EDN1: variants seen among roughly 807,000 people sequenced by gnomAD.
The protein encoded by EDN1 is endothelin 1, also known as endothelin-1.
Under a neutral mutation model 21.7 loss-of-function variants are expected in EDN1, and 11 were observed. The ratio of observed to expected loss-of-function variants is 0.51; its 90% CI spans 0.32 to 0.84. The LOEUF is 0.84. Ranked by LOEUF, EDN1 falls within the 40% of genes least tolerant of loss-of-function variation. The pLI is 0.03. For synonymous variants in EDN1, 85 were observed against 90.6 expected (o/e 0.94, Z 0.35); for missense variants, 244 against 262.3 (o/e 0.93, Z 0.48).
At chr6:12,253,727 C>T in the EDN1 span, among the ~76,000 whole-genome samples, 1 of 152,122 alleles carries the variant, frequency 6.6e-6, no homozygotes, top group African/African-American at 2.4e-5. Context: ...TCAACACATT[C>T]AAAGTCCATC....
At chr6:12,292,642 C>A in intron 2 of EDN1, 133 bp downstream of exon 2, 2 of 1,044,446 alleles carry the variant, frequency 1.9e-6, no homozygotes, top group South Asian at 1.3e-5. Context: ...TCAGTGGGGA[C>A]AGTTTCCCTC....
chr6:12,266,618 C>T, the EDN1 span, among the ~76,000 whole-genome samples: 6 of 152,184 alleles, frequency 3.9e-5, no homozygotes, highest in Non-Finnish European at 8.8e-5. Flanking sequence ...AGAGGAGGGA[C>T]CTCTTGCCTG....
the EDN1 span, among the ~76,000 whole-genome samples, chr6:12,231,481 C>T: frequency 6.6e-6 from 1 of 152,212 alleles, no homozygotes; most frequent in Non-Finnish European, 1.5e-5. Flanking sequence ...CCAGCTTTGA[C>T]TATTAAACAT....
At chr6:12,279,787 A>C in the EDN1 span, among the ~76,000 whole-genome samples, 1 of 152,232 alleles carries the variant, frequency 6.6e-6, no homozygotes, top group Admixed American at 6.5e-5. Flanking sequence ...TCAACAGTCC[A>C]AAAAGGAAAA....
chr6:12,248,748 G>A, the EDN1 span, among the ~76,000 whole-genome samples: 78 of 152,300 alleles, frequency 5.1e-4, no homozygotes, highest in African/African-American at 1.8e-3. Flanking sequence ...GTGACATTCT[G>A]CATCAGGTTT....
the EDN1 span, among the ~76,000 whole-genome samples, chr6:12,244,329 A>C: frequency 1.3e-5 from 2 of 152,212 alleles, no homozygotes; most frequent in African/African-American, 4.8e-5. Context: ...TGACCTTTCA[A>C]ATGTTGGCTA....
the EDN1 span, among the ~76,000 whole-genome samples, chr6:12,234,046 G>C: frequency 6.6e-6 from 1 of 152,216 alleles, no homozygotes; most frequent in Non-Finnish European, 1.5e-5. Context: ...TCTTCAGTCA[G>C]AGAGGCCAGG....
the EDN1 span, among the ~76,000 whole-genome samples, chr6:12,284,282 C>A: frequency 6.6e-6 from 1 of 152,086 alleles, no homozygotes; most frequent in Non-Finnish European, 1.5e-5. Context: ...TGCCAAAGAC[C>A]TTTTATTATA....
the EDN1 span, among the ~76,000 whole-genome samples, chr6:12,238,387 G>A: frequency 6.6e-6 from 1 of 152,028 alleles, no homozygotes; most frequent in Admixed American, 6.6e-5. Context: ...GAAAGTGAAG[G>A]TCTCCCCTGC....
the EDN1 span, among the ~76,000 whole-genome samples, chr6:12,248,391 G>A: frequency 6.6e-6 from 1 of 152,088 alleles, no homozygotes; most frequent in African/African-American, 2.4e-5. Flanking sequence ...TATTTATTAT[G>A]GCAGGCCAAG....
chr6:12,293,973 G>A lies in EDN1; in HGVS notation c.266G>A (p.Arg89Lys), dbSNP rs752388910. ...GTTCCGTATGGACTTGGAAGCCCTA[G>A]GTCCAAGAGAGCCTTGGAGAATTTA... ...HVVPYGLGSP[R>K]SKRALENLLP... Residue 89 changes from arginine to lysine, a missense_variant, in exon 3 of 5, where the codon AGG becomes AAG. By Grantham distance (26) the Arg-to-Lys change is conservative (BLOSUM62 2). Coordinates refer to ENST00000379375, the MANE Select transcript of EDN1 (RefSeq NM_001955.5). The A allele has an allele frequency of 6.2e-7, 1 of 1,614,180 alleles. No homozygotes were observed. The highest frequency in any genetic ancestry group is 8.5e-7 in the Non-Finnish European group (1 of 1,180,026).
chr6:12,234,458 C>T, the EDN1 span, among the ~76,000 whole-genome samples: 1 of 152,160 alleles, frequency 6.6e-6, no homozygotes, highest in African/African-American at 2.4e-5. Context: ...CTTTCAAAAC[C>T]ACAGGGAAGT....
At chr6:12,266,151 T>A in the EDN1 span, among the ~76,000 whole-genome samples, 1 of 152,194 alleles carries the variant, frequency 6.6e-6, no homozygotes, top group Non-Finnish European at 1.5e-5. Flanking sequence ...AGGAATTGCT[T>A]GGGTGGGGAA....
the EDN1 span, among the ~76,000 whole-genome samples, chr6:12,262,486 G>A: frequency 2.0e-5 from 3 of 152,122 alleles, no homozygotes; most frequent in African/African-American, 4.8e-5. Context: ...TGGGAGTGGC[G>A]CTGACTTTGG....
At chr6:12,248,587 G>A in the EDN1 span, among the ~76,000 whole-genome samples, 4 of 152,196 alleles carry the variant, frequency 2.6e-5, no homozygotes, top group African/African-American at 9.6e-5. Flanking sequence ...ACACTCCACT[G>A]AATGACAAGT....
At chr6:12,286,733 A>G (rs1294268924), upstream of EDN1, among the ~76,000 whole-genome samples, 1 of 152,222 alleles carries the variant, frequency 6.6e-6, no homozygotes, top group East Asian at 1.9e-4. Context: ...TGTTTTATTT[A>G]TAGATATCTA....
At chr6:12,287,688 C>CCTCTCT (rs757039157), upstream of EDN1, among the ~76,000 whole-genome samples, 1,210 of 112,418 alleles carry the variant, frequency 0.011, 4 homozygotes, top group Non-Finnish European at 0.014. Flanking sequence ...TCTCTCTCTC[C>CCTCTCT]CTCTCTCTCT....
the EDN1 span, among the ~76,000 whole-genome samples, chr6:12,231,189 G>A: frequency 5.9e-5 from 9 of 152,282 alleles, no homozygotes; most frequent in South Asian, 4.1e-4. Context: ...CTGCTTCTCC[G>A]CAGCACTTAC....
the EDN1 span, among the ~76,000 whole-genome samples, chr6:12,260,363 C>G: frequency 2.0e-5 from 3 of 152,234 alleles, no homozygotes; most frequent in Admixed American, 6.5e-5. Flanking sequence ...TAATGAAAAT[C>G]AAGCTTCTTG....
Sources: allele counts gnomAD v4.1 joint callset (sites outside exome capture counted in the v4.1 genomes callset), GRCh38; gene constraint gnomAD v4.1.1; transcripts MANE v1.5; gene names NCBI Gene and HGNC (gene_info 2026-07-23, HGNC 2026-07-21).